The following AKAP6 variants were observed in gnomAD, a reference collection of about 807,000 sequenced individuals.
The protein encoded by AKAP6 is A-kinase anchoring protein 6, also known as A-kinase anchor protein 6.
AKAP6 carries 58 observed loss-of-function variants against 188.5 expected under a neutral mutation model. The ratio of observed to expected loss-of-function variants is 0.31; its 90% CI spans 0.25 to 0.38. AKAP6 has a LOEUF of 0.38. Ranked by LOEUF, AKAP6 falls within the 10% of genes least tolerant of loss-of-function variation. The pLI is 1.00. For missense variants in AKAP6, 2,710 were observed against 2,740.0 expected (o/e 0.99, Z 0.24); for synonymous variants, 989 against 998.6 (o/e 0.99, Z 0.18).
At chr14:32,479,575 T>C (rs1373762205) in intron 2 of AKAP6, among the ~76,000 whole-genome samples, 1 of 152,210 alleles carries the variant, frequency 6.6e-6, no homozygotes, top group Admixed American at 6.5e-5. Flanking sequence ...ACAACTTTTA[T>C]GCTCAGAAAA....
chr14:32,754,504 T>C (rs979091235), intron 11 of AKAP6, among the ~76,000 whole-genome samples: 17 of 152,218 alleles, frequency 1.1e-4, no homozygotes, highest in African/African-American at 4.1e-4. Flanking sequence ...TACTTTTGTC[T>C]TTTACCTTTT....
intron 7 of AKAP6, among the ~76,000 whole-genome samples, chr14:32,662,984 A>C (rs1246919807): frequency 1.3e-5 from 2 of 152,106 alleles, no homozygotes; most frequent in East Asian, 3.9e-4. Flanking sequence ...GTTATTTACC[A>C]ATTTTGGTGG....
chr14:32,516,280 C>T (rs1349084425), intron 2 of AKAP6, among the ~76,000 whole-genome samples: 1 of 152,152 alleles, frequency 6.6e-6, no homozygotes, highest in Non-Finnish European at 1.5e-5. Context: ...TTAATGATCA[C>T]GTGTTTTTGT....
rs779368872 is a variant in AKAP6 at position 32,823,588 on chromosome 14, A to G, written c.5775A>G (p.Lys1925=). The G allele has an allele frequency of 3.3e-5, 54 of 1,613,840 alleles. No individual in the cohort carries two copies. In the South Asian group the frequency reaches 5.7e-4, roughly 17 times the overall value. The change falls in exon 13 of 14, where the codon AAA becomes AAG. Residue 1925 remains lysine, a synonymous_variant. Transcript: ENST00000280979. The part of the protein sequence containing the change: ...KVSENLGSHG[K]EISESEHCKC... Reference sequence around the variant, plus strand: ...CAGAAAATCTTGGTTCACATGGGAAAGAGATTTCAGAGAGTGAGCATTGTA... The same window carrying G: ...CAGAAAATCTTGGTTCACATGGGAAGGAGATTTCAGAGAGTGAGCATTGTA...
chr14:32,514,368 T>G (rs958700430), intron 2 of AKAP6, among the ~76,000 whole-genome samples: 1 of 152,186 alleles, frequency 6.6e-6, no homozygotes, highest in Non-Finnish European at 1.5e-5. Flanking sequence ...GGATATTTAT[T>G]TATGTGGGGG....
intron 8 of AKAP6, among the ~76,000 whole-genome samples, chr14:32,692,052 T>A (rs1035265285): frequency 6.6e-6 from 1 of 152,212 alleles, no homozygotes; most frequent in African/African-American, 2.4e-5. Context: ...TGGGTACCAA[T>A]GAAACAAAAT....
chr14:32,467,456 T>C (rs1441218115), intron 2 of AKAP6, among the ~76,000 whole-genome samples: 3 of 152,084 alleles, frequency 2.0e-5, no homozygotes, highest in Non-Finnish European at 4.4e-5. Flanking sequence ...TAATAAAAAG[T>C]TTTAAAAATG....
At chr14:32,577,928 A>G (rs1884801792) in intron 5 of AKAP6, among the ~76,000 whole-genome samples, 1 of 152,154 alleles carries the variant, frequency 6.6e-6, no homozygotes, top group Non-Finnish European at 1.5e-5. Flanking sequence ...AGGGGTGGAA[A>G]CTAAGTAGTG....
At chr14:32,694,146 G>T (rs921987040) in intron 8 of AKAP6, among the ~76,000 whole-genome samples, 2 of 151,488 alleles carry the variant, frequency 1.3e-5, no homozygotes, top group South Asian at 4.2e-4. Context: ...CGGATCATGA[G>T]GTCAGGAGAT....
At chr14:32,524,378 T>C (rs574992927) in intron 2 of AKAP6, among the ~76,000 whole-genome samples, 39 of 152,112 alleles carry the variant, frequency 2.6e-4, no homozygotes, top group Non-Finnish European at 5.0e-4. Flanking sequence ...GCCTGGGTGG[T>C]TGTTACAAGA....
chr14:32,588,804 T>C (rs1885359517), intron 5 of AKAP6, among the ~76,000 whole-genome samples: 3 of 152,214 alleles, frequency 2.0e-5, no homozygotes, highest in African/African-American at 7.2e-5. Context: ...CTCAAAGATA[T>C]ATGCATGCAT....
chr14:32,824,622 C>T lies in AKAP6; in HGVS notation c.6809C>T (p.Ala2270Val). 6.2e-7 allele frequency: 1 copy of T among 1,613,940 alleles called. No individual in the cohort carries two copies. Among genetic ancestry groups the T allele is most frequent in the South Asian group, 1.1e-5 (1 of 91,080 alleles). ...TCTGGAATGCCAGAAGAACATAATGCTGCTTCAGCCAAATCTAAAGTTCAA... is the reference window on the plus strand; with the variant it reads ...TCTGGAATGCCAGAAGAACATAATGTTGCTTCAGCCAAATCTAAAGTTCAA... The part of the protein sequence containing the change: ...GESGMPEEHN[A>V]ASAKSKVQDL... Residue 2270 changes from alanine (A) to valine (V), a missense_variant, in exon 13 of 14, where the codon GCT becomes GTT. By Grantham distance (64) the Ala-to-Val change is moderately conservative (BLOSUM62 0). Coordinates refer to ENST00000280979, the MANE Select transcript of AKAP6 (RefSeq NM_004274.5).
At chr14:32,443,624 C>T (rs1459556431) in intron 2 of AKAP6, among the ~76,000 whole-genome samples, 3 of 152,156 alleles carry the variant, frequency 2.0e-5, no homozygotes, top group African/African-American at 7.2e-5. Flanking sequence ...TTCATTCTCC[C>T]TTTCCTTCCA....
chr14:32,639,114 A>C lies in AKAP6; in HGVS notation c.2730+38322A>C, dbSNP rs1187600227. ...AAACAATATATGATATTTAAATGCT[A>C]TTGCTATTGAGTGGTTCACACTAAT... On this transcript the variant is annotated intron_variant, in intron 7 of 13. Transcript: ENST00000280979. Among the ~76,000 whole-genome samples, 6 of 152,238 alleles carry C rather than the reference A, an allele frequency of 3.9e-5. No individual in the cohort carries two copies. The South Asian group carries it at 1.2e-3, about 32-fold the overall frequency.
At chr14:32,710,700 C>T (rs1385382392) in intron 9 of AKAP6, among the ~76,000 whole-genome samples, 3 of 152,104 alleles carry the variant, frequency 2.0e-5, no homozygotes, top group East Asian at 3.9e-4. Context: ...TTTAGGCTTC[C>T]GTTGTTAAAC....
chr14:32,426,820 C>T lies in AKAP6; in HGVS notation c.-34-6640C>T, dbSNP rs140179199. The stretch of plus-strand genomic sequence containing the variant: ...TGACTATCTGAGTCAATCTGGATAT[C>T]CCTGCCATGGGAAGATCTGAATAAT... On this transcript the variant is annotated intron_variant, in intron 1 of 13. Transcript: ENST00000280979. Among the ~76,000 whole-genome samples the T allele has an allele frequency of 9.6e-3, 1,457 of 152,164 alleles. 8 individuals are homozygous for T. The highest frequency in any genetic ancestry group is 0.017 in the Non-Finnish European group (1,169 of 68,004).
chr14:32,523,492 G>A (rs527282025), intron 2 of AKAP6, among the ~76,000 whole-genome samples: 207 of 145,416 alleles, frequency 1.4e-3, no homozygotes, highest in Non-Finnish European at 2.4e-3. Flanking sequence ...TTTTTGAGAC[G>A]GGGTCTGATT....
intron 11 of AKAP6, among the ~76,000 whole-genome samples, chr14:32,751,926 G>T (rs539596544): frequency 3.1e-4 from 47 of 152,202 alleles, no homozygotes; most frequent in African/African-American, 1.0e-3. Context: ...GACATGAATT[G>T]TTTTCTCTTT....
chr14:32,625,243 G>C (rs1235476873), intron 7 of AKAP6, among the ~76,000 whole-genome samples: 1 of 152,066 alleles, frequency 6.6e-6, no homozygotes, highest in East Asian at 1.9e-4. Context: ...AGTTTCTTTT[G>C]AAATAACACT....
Sources: gnomAD v4.1 joint callset for allele counts (sites outside exome capture counted in the v4.1 genomes callset) on GRCh38, gnomAD v4.1.1 for gene constraint, MANE v1.5 for transcripts, NCBI Gene and HGNC (gene_info 2026-07-23, HGNC 2026-07-21) for gene names.